The following C4orf50 variants were observed in gnomAD, a reference collection of about 807,000 sequenced individuals.
C4orf50 encodes the protein uncharacterized protein C4orf50.
C4orf50 carries 80 observed loss-of-function variants against 77.2 expected under a neutral mutation model. The observed-to-expected ratio is 1.04, with a 90% confidence interval of 0.87 to 1.25. The LOEUF is 1.25. Among genes scored for constraint, C4orf50 ranks in the 50% most tolerant of loss-of-function variants. The pLI, the probability that C4orf50 is intolerant of heterozygous loss-of-function variation, is 0.00. For synonymous variants in C4orf50, 532 were observed against 465.3 expected, an observed-to-expected ratio of 1.14 and a Z score of -1.84; for missense variants, 1,257 against 1,152.9, an observed-to-expected ratio of 1.09 and a Z score of -1.31.
chr4:5,938,792 TTTC>T (rs1449742445), intron 7 of C4orf50, among the ~76,000 whole-genome samples: 123 of 111,190 alleles, frequency 1.1e-3, no homozygotes, highest in Non-Finnish European at 1.6e-3. Context: ...TTTTTTTTCT[TTTC>T]TTTTTTTTTT....
At chr4:5,973,810 C>T (rs766006501) in exon 31 of C4orf50, 19 of 1,613,102 alleles carry the variant, frequency 1.2e-5, no homozygotes, top group Admixed American at 1.7e-5. Flanking sequence ...GTTCCTCTCC[C>T]GGCACTTCCG....
Position 6,011,904 on chromosome 4 carries a change from C to T in C4orf50, c.352G>A (p.Val118Met), listed in dbSNP as rs974137706. The T allele has an allele frequency of 5.0e-6, 2 of 398,970 alleles. No homozygotes were observed. The highest frequency in any genetic ancestry group is 8.8e-6 in the Non-Finnish European group (2 of 226,086). 24.7% of individuals were successfully genotyped at this position (398,970 alleles called of 1,614,324 possible). Residue 118 changes from valine (V) to methionine (M), a missense_variant, in exon 24 of 34, where the codon GTG becomes ATG. Transcript: ENST00000531445. This position sits in a 1 kb window ranked among gnomAD's most constrained non-coding sequence, Gnocchi z 4.2. ...AGCCAGGCGCTTCTCTCCTGGGCCA[C>T]GTGGGTGCTCAGCTGGTCCACCTTC...
intron 7 of C4orf50, among the ~76,000 whole-genome samples, chr4:5,914,436 C>T (rs1162024975): frequency 6.6e-6 from 1 of 151,818 alleles, no homozygotes; most frequent in African/African-American, 2.4e-5. Flanking sequence ...GATCTCCTGA[C>T]CTTGTGGTCC....
chr4:6,004,379 TGATGGTGATGGTG>T (rs1722129492), intron 25 of C4orf50, among the ~76,000 whole-genome samples: 1 of 30,072 alleles, frequency 3.3e-5, no homozygotes, highest in African/African-American at 7.2e-5. Flanking sequence ...GTGATGGTGA[TGATGGTGATGGTG>T]GTGATGGTGA....
intron 7 of C4orf50, among the ~76,000 whole-genome samples, chr4:5,920,208 C>G (rs4413355): frequency 0.51 from 77,618 of 151,966 alleles, 20,597 homozygotes; most frequent in East Asian, 0.81. Context: ...ATTAGTGTTT[C>G]TTGCATAGCA....
intron 25 of C4orf50, among the ~76,000 whole-genome samples, chr4:6,004,713 GATGAT>G: frequency 6.8e-6 from 1 of 146,986 alleles, no homozygotes; most frequent in Non-Finnish European, 1.5e-5. Flanking sequence ...TGATGGTGGT[GATGAT>G]GTGATGGTGA....
chr4:5,949,913 T>C (rs1264618883), intron 7 of C4orf50, among the ~76,000 whole-genome samples: 1 of 142,872 alleles, frequency 7.0e-6, no homozygotes, highest in Non-Finnish European at 1.5e-5. Context: ...CACTTGAACC[T>C]GGGAGGCAGA....
chr4:5,976,088 G>C, intron 29 of C4orf50, 133 bp from the exon 8 acceptor site: 1 of 683,032 alleles, frequency 1.5e-6, no homozygotes, highest in Non-Finnish European at 2.6e-6. Flanking sequence ...TCAGTGCCAG[G>C]AACAGGGGCC....
intron 7 of C4orf50, among the ~76,000 whole-genome samples, chr4:5,947,076 T>C (rs948727178): frequency 2.0e-5 from 3 of 152,310 alleles, no homozygotes; most frequent in Non-Finnish European, 4.4e-5. Context: ...GACTCACTCA[T>C]GGAACCTATT....
intron 7 of C4orf50, among the ~76,000 whole-genome samples, chr4:5,934,113 C>A (rs1717891913): frequency 6.6e-6 from 1 of 152,020 alleles, no homozygotes; most frequent in Non-Finnish European, 1.5e-5. Flanking sequence ...TGGCAATTCA[C>A]TTCGCCTCCC....
intron 7 of C4orf50, among the ~76,000 whole-genome samples, chr4:5,935,656 G>T (rs1300513510): frequency 1.3e-5 from 2 of 151,786 alleles, no homozygotes; most frequent in East Asian, 2.0e-4. Flanking sequence ...TGTGGTGGCG[G>T]GCGCCTATAG....
chr4:5,958,655 C>T lies in C4orf50; in HGVS notation c.*720G>A, dbSNP rs551621907. The T allele has an allele frequency of 1.3e-5, 2 of 152,356 alleles. No homozygotes were observed. The highest frequency in any genetic ancestry group is 4.1e-4 in the South Asian group (2 of 4,826). 9.4% of individuals were successfully genotyped at this position (152,356 alleles called of 1,614,324 possible). ...CAGGATCAACATTGACTTGTCTCTT[C>T]TCCTTCATGCCACATTGCCTGGCAT... On this transcript the variant is annotated 3_prime_UTR_variant, in exon 34 of 34. Coordinates refer to ENST00000531445, the Ensembl canonical transcript of C4orf50. This position sits in a 1 kb window ranked among gnomAD's most constrained non-coding sequence, Gnocchi z 5.4.
At chr4:5,926,174 T>C (rs1717503393) in intron 7 of C4orf50, among the ~76,000 whole-genome samples, 1 of 152,182 alleles carries the variant, frequency 6.6e-6, no homozygotes, top group African/African-American at 2.4e-5. Flanking sequence ...AGTCAAAAAA[T>C]GGAGACAACC....
At chr4:5,988,683 G>A (rs1203003395) in exon 28 of C4orf50, 1 of 1,536,054 alleles carries the variant, frequency 6.5e-7, no homozygotes. Flanking sequence ...CTTTTCCCTG[G>A]AGGTGCTCCC....
intron 7 of C4orf50, among the ~76,000 whole-genome samples, chr4:5,951,623 A>G (rs988967263): frequency 6.6e-6 from 1 of 152,246 alleles, no homozygotes; most frequent in African/African-American, 2.4e-5. Context: ...ATAAAATTCC[A>G]TAATAAATGG....
At chr4:5,974,565 A>T (rs1468310790) in intron 30 of C4orf50, among the ~76,000 whole-genome samples, 1 of 152,178 alleles carries the variant, frequency 6.6e-6, no homozygotes, top group African/African-American at 2.4e-5. Flanking sequence ...AGGGAGGATG[A>T]CTCTGCAGGT....
chr4:5,940,627 C>G (rs1419550923), intron 7 of C4orf50, among the ~76,000 whole-genome samples: 1 of 152,216 alleles, frequency 6.6e-6, no homozygotes, highest in Non-Finnish European at 1.5e-5. Flanking sequence ...TCCCTCCCAC[C>G]TCTGTGTGCA....
chr4:6,009,722 C>A lies in C4orf50; in HGVS notation c.427-1190G>T, dbSNP rs1173250363. Reference sequence around the variant, plus strand: ...AACTGCCATTTGGTACATACAGGTGCAAAGGGCATGGAAAACTCGCTCAAG... The same window carrying A: ...AACTGCCATTTGGTACATACAGGTGAAAAGGGCATGGAAAACTCGCTCAAG... On this transcript the variant is annotated intron_variant, in intron 24 of 33. Coordinates refer to ENST00000531445, the Ensembl canonical transcript of C4orf50. This position sits in a 1 kb window ranked among gnomAD's most constrained non-coding sequence, Gnocchi z 5.6. Among the ~76,000 whole-genome samples, 1 of 152,138 alleles carries A rather than the reference C, an allele frequency of 6.6e-6. No homozygotes were observed. The highest frequency in any genetic ancestry group is 1.5e-5 in the Non-Finnish European group (1 of 68,036).
At chr4:6,013,262 C>A (rs1722556004) in intron 23 of C4orf50, among the ~76,000 whole-genome samples, 2 of 152,144 alleles carry the variant, frequency 1.3e-5, no homozygotes, top group African/African-American at 2.4e-5. Context: ...AGGATCATAA[C>A]CAAGATCCTT....
Sources: gnomAD v4.1 joint callset for allele counts (sites outside exome capture counted in the v4.1 genomes callset) on GRCh38, gnomAD v4.1.1 for gene constraint, Gnocchi (gnomAD v3.1) non-coding constraint, MANE v1.5 for transcripts, NCBI Gene and HGNC (gene_info 2026-07-23, HGNC 2026-07-21) for gene names.